Variants in CTNNBL1 observed in about 807,000 individuals in gnomAD.
The protein encoded by CTNNBL1 is beta-catenin-like protein 1.
A neutral mutation model predicts 72.7 loss-of-function variants in CTNNBL1; 31 were observed. That is an observed-to-expected ratio of 0.43 (90% CI 0.32 to 0.58). The LOEUF (loss-of-function observed/expected upper bound fraction) is 0.58, where lower values mean the gene tolerates loss of function less well. Among genes scored for constraint, CTNNBL1 ranks in the 20% least tolerant of loss-of-function variants. The probability of loss-of-function intolerance (pLI) is 0.08; values close to 1 mark genes in which losing one functional copy is unlikely to be tolerated. For missense variants in CTNNBL1, 534 were observed against 725.1 expected (o/e 0.74, Z 3.03); for synonymous variants, 240 against 267.3 (o/e 0.90, Z 1.00).
At chr20:37,727,215 C>T (rs772202112) in intron 1 of CTNNBL1, 85 of 262,248 alleles carry the variant, frequency 3.2e-4, no homozygotes, top group Non-Finnish European at 4.4e-4. Flanking sequence ...TGTCTGGGTA[C>T]GCAGGGAGTA....
chr20:37,752,545 A>G (rs1441297388), intron 4 of CTNNBL1, among the ~76,000 whole-genome samples: 1 of 150,154 alleles, frequency 6.7e-6, no homozygotes, highest in Non-Finnish European at 1.5e-5. Flanking sequence ...TGCTTAATAC[A>G]TCTTATTTCT....
chr20:37,725,095 C>A (rs965085883), intron 1 of CTNNBL1, among the ~76,000 whole-genome samples: 13 of 151,692 alleles, frequency 8.6e-5, no homozygotes, highest in African/African-American at 2.9e-4. Context: ...TTTATAGAGA[C>A]AGGTCCTCAC....
intron 9 of CTNNBL1, 76 bp downstream of exon 9, chr20:37,777,788 T>C: frequency 6.9e-7 from 1 of 1,452,454 alleles, no homozygotes; most frequent in Non-Finnish European, 9.7e-7. Flanking sequence ...CTGGAAACTG[T>C]GGGAAGGAAT....
At chr20:37,745,539 A>T (rs1449467965) in intron 3 of CTNNBL1, among the ~76,000 whole-genome samples, 1 of 152,204 alleles carries the variant, frequency 6.6e-6, no homozygotes, top group East Asian at 1.9e-4. Context: ...TACTCTTTAC[A>T]GTGGCCCTGT....
chr20:37,784,414 G>A (rs2073653954), intron 10 of CTNNBL1, among the ~76,000 whole-genome samples: 1 of 152,002 alleles, frequency 6.6e-6, no homozygotes, highest in South Asian at 2.1e-4. Context: ...TGGTTGTTTT[G>A]TGGTGTTTCC....
chr20:37,757,243 G>A (rs2073372847), intron 4 of CTNNBL1, among the ~76,000 whole-genome samples: 1 of 152,220 alleles, frequency 6.6e-6, no homozygotes, highest in South Asian at 2.1e-4. Flanking sequence ...AGATGAGGTT[G>A]AGGGTGTTGG....
chr20:37,758,365 A>G (rs2073383869), intron 5 of CTNNBL1, among the ~76,000 whole-genome samples: 1 of 152,166 alleles, frequency 6.6e-6, no homozygotes. Context: ...AACCCAGAGG[A>G]GTTGGTCTGT....
At chr20:37,748,227 A>AGTTCTAT (rs1488457899) in intron 4 of CTNNBL1, among the ~76,000 whole-genome samples, 1 of 152,224 alleles carries the variant, frequency 6.6e-6, no homozygotes, top group African/African-American at 2.4e-5. Context: ...TGCCTGGCTG[A>AGTTCTAT]TAATTCTCAT....
intron 15 of CTNNBL1, among the ~76,000 whole-genome samples, chr20:37,862,867 A>G (rs1568817203): frequency 6.6e-6 from 1 of 152,116 alleles, no homozygotes; most frequent in Non-Finnish European, 1.5e-5. Flanking sequence ...ACTTCTCTGC[A>G]TCCATTATTC....
chr20:37,803,646 CTG>C lies in CTNNBL1; in HGVS notation c.1213+599_1213+600del, dbSNP rs1600497938. On this transcript the variant is annotated intron_variant, in intron 11 of 15. Transcript: ENST00000361383. ...CCCCAGTAAATAGCCACAGTGCAATCTGGAAGGCCAGGGATTTATGAGCATTG... is the reference window on the plus strand; with the variant it reads ...CCCCAGTAAATAGCCACAGTGCAATCGAAGGCCAGGGATTTATGAGCATTG... Among the ~76,000 whole-genome samples the C allele has an allele frequency of 3.3e-5, 5 of 152,280 alleles. No individual in the cohort carries two copies. In the East Asian group the frequency reaches 9.7e-4, roughly 29 times the overall value.
At chr20:37,869,226 G>A (rs1340761265) in intron 15 of CTNNBL1, among the ~76,000 whole-genome samples, 2 of 152,294 alleles carry the variant, frequency 1.3e-5, no homozygotes, top group Non-Finnish European at 1.5e-5. Context: ...AAAGAGGAAC[G>A]GGGCAAAATA....
chr20:37,777,495 T>C, intron 8 of CTNNBL1, 78 bp downstream of exon 8: 1 of 1,482,324 alleles, frequency 6.7e-7, no homozygotes, highest in Non-Finnish European at 9.4e-7. Context: ...CAAGCTCTCT[T>C]GCCTTTGGCA....
chr20:37,858,481 G>C lies in CTNNBL1; in HGVS notation c.1393-1418G>C, dbSNP rs148795179. Among the ~76,000 whole-genome samples the C allele has an allele frequency of 1.2e-4, 19 of 152,334 alleles. No individual in the cohort carries two copies. In the East Asian group the frequency reaches 3.7e-3, roughly 29 times the overall value. ...GAAAGCCTTTGTTATGGACATAGCTGAAAAATGATGTGAACTTGAACCATA... is the reference window on the plus strand; with the variant it reads ...GAAAGCCTTTGTTATGGACATAGCTCAAAAATGATGTGAACTTGAACCATA... On this transcript the variant is annotated intron_variant, in intron 13 of 15. Transcript: ENST00000361383.
chr20:37,836,255 C>T (rs531328633), intron 11 of CTNNBL1, among the ~76,000 whole-genome samples: 1 of 152,166 alleles, frequency 6.6e-6, no homozygotes, highest in Non-Finnish European at 1.5e-5. Flanking sequence ...TGATCTTGAT[C>T]TCTGAAAGGA....
intron 1 of CTNNBL1, among the ~76,000 whole-genome samples, chr20:37,717,188 G>A (rs990371044): frequency 2.0e-5 from 3 of 152,068 alleles, no homozygotes; most frequent in Non-Finnish European, 1.5e-5. Context: ...GCAGTTTTAC[G>A]TTTTTAGTCT....
chr20:37,782,320 GAAGA>G lies in CTNNBL1; in HGVS notation c.1031+2990_1031+2993del, dbSNP rs1480339999. 2.6e-5 allele frequency among the ~76,000 whole-genome samples: 4 copies of G among 152,132 alleles called. No homozygotes were observed. The East Asian group carries it at 5.8e-4, about 22-fold the overall frequency. On this transcript the variant is annotated intron_variant, in intron 10 of 15. Transcript: ENST00000361383. The stretch of plus-strand genomic sequence containing the variant: ...ATTTTTTTCCTTTCTGATTATTGAT[GAAGA>G]AAGATCACAAACAAGATACTCATTG...
intron 13 of CTNNBL1, among the ~76,000 whole-genome samples, chr20:37,853,868 A>G (rs1294733404): frequency 6.6e-6 from 1 of 152,258 alleles, no homozygotes. Context: ...CAGAGTTGTA[A>G]CAGGCTAGAT....
chr20:37,694,292 C>A (rs774661896), intron 1 of CTNNBL1, 140 bp downstream of exon 1: 4 of 703,060 alleles, frequency 5.7e-6, no homozygotes, highest in Admixed American at 3.8e-5. Context: ...CTCAGCCCCT[C>A]GTTTTACTTT....
chr20:37,795,194 ATGC>A (rs2073762212), intron 10 of CTNNBL1, among the ~76,000 whole-genome samples: 2 of 148,390 alleles, frequency 1.3e-5, no homozygotes, highest in South Asian at 4.2e-4. Context: ...GCATGCAGTG[ATGC>A]AGTCTCAGCT....
Sources: allele counts gnomAD v4.1 joint callset (sites outside exome capture counted in the v4.1 genomes callset), GRCh38; gene constraint gnomAD v4.1.1; transcripts MANE v1.5; gene names NCBI Gene and HGNC (gene_info 2026-07-23, HGNC 2026-07-21).